PLCL2: variants seen among roughly 807,000 people sequenced by gnomAD.
PLCL2 encodes phospholipase C like 2, also known as inactive phospholipase C-like protein 2.
Under a neutral mutation model 79.6 loss-of-function variants are expected in PLCL2, and 4 were observed. That is an observed-to-expected ratio of 0.05 (90% confidence interval 0.02 to 0.11). The LOEUF (loss-of-function observed/expected upper bound fraction) is 0.11, where lower values mean the gene tolerates loss of function less well. Ranked by LOEUF, PLCL2 falls within the 10% of genes least tolerant of loss-of-function variation. PLCL2 has a pLI of 1.00. For missense variants in PLCL2, 895 were observed against 1,291.0 expected (o/e 0.69, Z 4.70); for synonymous variants, 484 against 457.7 (o/e 1.06, Z -0.73).
chr3:17,011,089 A>G lies in PLCL2; in HGVS notation c.1743A>G (p.Gly581=), dbSNP rs1260521190. Residue 581 remains glycine (G), a synonymous_variant, in exon 2 of 6, where the codon GGA becomes GGG. Coordinates refer to ENST00000615277, the MANE Select transcript of PLCL2 (RefSeq NM_001144382.2). The surrounding 1 kb of genome is among the most constrained non-coding windows in gnomAD (Gnocchi z 7.9). ...CCTCAAATTGCTCTGGGGTAGAAGGAGATGTTACTGACGAAGATGAAGGAG... is the reference window on the plus strand; with the variant it reads ...CCTCAAATTGCTCTGGGGTAGAAGGGGATGTTACTGACGAAGATGAAGGAG... ...KLSSNCSGVE[G]DVTDEDEGAE... 3.1e-6 allele frequency: 5 copies of G among 1,614,102 alleles called. No homozygotes were observed. Among genetic ancestry groups the G allele is most frequent in the Non-Finnish European group, 3.4e-6 (4 of 1,180,014 alleles).
chr3:16,945,102 A>T (rs2063588352), intron 1 of PLCL2, among the ~76,000 whole-genome samples: 2 of 152,060 alleles, frequency 1.3e-5, no homozygotes, highest in South Asian at 4.1e-4. Context: ...TGTGCTTCCC[A>T]GTTCCCTCTG....
At chr3:17,049,669 A>C (rs551753805) in intron 4 of PLCL2, among the ~76,000 whole-genome samples, 1 of 152,292 alleles carries the variant, frequency 6.6e-6, no homozygotes, top group South Asian at 2.1e-4. Context: ...TAATGAAAGA[A>C]ATTAAAGAGG....
chr3:17,051,137 C>T lies in PLCL2; in HGVS notation c.3094+8188C>T, dbSNP rs528886710. 7.3e-5 allele frequency among the ~76,000 whole-genome samples: 11 copies of T among 149,880 alleles called. No individual in the cohort carries two copies. In the South Asian group the frequency reaches 2.1e-3, roughly 29 times the overall value. ...GATAGAGAATGGAAAGATGGTTACCCGAGGCTGGGAAAGGCAATGGGAGGT... is the reference window on the plus strand; with the variant it reads ...GATAGAGAATGGAAAGATGGTTACCTGAGGCTGGGAAAGGCAATGGGAGGT... On this transcript the variant is annotated intron_variant, in intron 4 of 5. Coordinates refer to ENST00000615277, the MANE Select transcript of PLCL2 (RefSeq NM_001144382.2).
intron 1 of PLCL2, among the ~76,000 whole-genome samples, chr3:17,007,121 G>T (rs1015202215): frequency 6.6e-6 from 1 of 152,148 alleles, no homozygotes; most frequent in Non-Finnish European, 1.5e-5. Flanking sequence ...AACTGAGTCA[G>T]TATGTTGTCT....
chr3:16,981,073 C>G (rs4685417), intron 1 of PLCL2, among the ~76,000 whole-genome samples: 17 of 152,098 alleles, frequency 1.1e-4, no homozygotes, highest in African/African-American at 3.9e-4. Context: ...TGCAGTGAGC[C>G]GAGATGGCAG....
chr3:16,903,395 A>G (rs1487238339), intron 1 of PLCL2, among the ~76,000 whole-genome samples: 1 of 152,190 alleles, frequency 6.6e-6, no homozygotes, highest in African/African-American at 2.4e-5. Context: ...CTTTCATGTT[A>G]TGGAACTGAT....
In PLCL2 at chr3:17,011,200, G is replaced by C. The variant is rs116817554; in HGVS notation, c.1854G>C (p.Leu618=). The change falls in exon 2 of 6, where the codon CTG becomes CTC. Residue 618 remains leucine (L), a synonymous_variant. Coordinates refer to ENST00000615277, the MANE Select transcript of PLCL2 (RefSeq NM_001144382.2). The surrounding 1 kb of genome is among the most constrained non-coding windows in gnomAD (Gnocchi z 7.9). ...PVKRFQLCKE[L]SELVSICKSV... ...AGCGATTTCAGCTTTGTAAAGAACT[G>C]TCTGAACTGGTCAGCATCTGCAAAT... 1.3e-3 allele frequency: 2,028 copies of C among 1,614,200 alleles called. 31 individuals are homozygous for C. The African/African-American group carries it at 0.024, about 19-fold the overall frequency.
intron 1 of PLCL2, among the ~76,000 whole-genome samples, chr3:16,980,621 A>G (rs1273598351): frequency 5.4e-5 from 8 of 147,322 alleles, no homozygotes; most frequent in African/African-American, 7.6e-5. Context: ...ATGGGATGGC[A>G]GCCGGGCAGA....
intron 4 of PLCL2, among the ~76,000 whole-genome samples, chr3:17,054,605 AT>A (rs1344941024): frequency 1.3e-5 from 2 of 152,008 alleles, no homozygotes; most frequent in Middle Eastern, 3.2e-3. Flanking sequence ...GGTGCCATAC[AT>A]TTTTAAACAA....
At chr3:16,962,949 TAAA>T (rs1423095279) in intron 1 of PLCL2, among the ~76,000 whole-genome samples, 1 of 151,988 alleles carries the variant, frequency 6.6e-6, no homozygotes, top group Non-Finnish European at 1.5e-5. Flanking sequence ...TTTTCAAACT[TAAA>T]AAAGGTAATG....
chr3:17,037,940 C>G (rs2124916077), intron 3 of PLCL2, among the ~76,000 whole-genome samples: 1 of 151,952 alleles, frequency 6.6e-6, no homozygotes, highest in Non-Finnish European at 1.5e-5. Context: ...TAATAATAAC[C>G]CTTCTCATAG....
chr3:17,024,499 C>T, intron 3 of PLCL2, among the ~76,000 whole-genome samples: 1 of 152,090 alleles, frequency 6.6e-6, no homozygotes, highest in East Asian at 1.9e-4. Flanking sequence ...TGTGCAGTAT[C>T]TTAAATTGTG....
At chr3:16,902,620 G>T (rs185702077) in intron 1 of PLCL2, among the ~76,000 whole-genome samples, 99 of 152,078 alleles carry the variant, frequency 6.5e-4, no homozygotes, top group Non-Finnish European at 1.3e-3. Flanking sequence ...GAAGGTCAGG[G>T]GTTTGAGACC....
chr3:16,900,912 C>T (rs1237997702), intron 1 of PLCL2, among the ~76,000 whole-genome samples: 2 of 152,162 alleles, frequency 1.3e-5, no homozygotes, highest in Non-Finnish European at 2.9e-5. Context: ...TCTCTCACTT[C>T]AAAAATGGAA....
chr3:17,030,834 A>G (rs2064573056), intron 3 of PLCL2, among the ~76,000 whole-genome samples: 1 of 152,220 alleles, frequency 6.6e-6, no homozygotes, highest in African/African-American at 2.4e-5. Context: ...AACTAATGAT[A>G]CTTTACAGTA....
Position 16,887,455 on chromosome 3 carries a change from G to A in PLCL2, c.327+2089G>A, listed in dbSNP as rs958783369. 2.0e-5 allele frequency among the ~76,000 whole-genome samples: 3 copies of A among 152,232 alleles called. No individual in the cohort carries two copies. Among genetic ancestry groups the A allele is most frequent in the South Asian group, 4.1e-4 (2 of 4,830 alleles). ...TTCATTGTATTGTACCTCCAAAGAA[G>A]GCTTGACATACTCCTTTTTCTTGCC... On this transcript the variant is annotated intron_variant, in intron 1 of 5. Coordinates refer to ENST00000615277, the MANE Select transcript of PLCL2 (RefSeq NM_001144382.2). The surrounding 1 kb of genome is among the most constrained non-coding windows in gnomAD (Gnocchi z 4.1).
chr3:17,035,415 A>T (rs941627254), intron 3 of PLCL2, among the ~76,000 whole-genome samples: 1 of 98,060 alleles, frequency 1.0e-5, no homozygotes, highest in African/African-American at 4.5e-5. Flanking sequence ...TCTTATCCTG[A>T]CCAGTTTTCT....
intron 1 of PLCL2, among the ~76,000 whole-genome samples, chr3:16,936,983 C>T (rs996485772): frequency 4.6e-5 from 7 of 152,000 alleles, no homozygotes; most frequent in South Asian, 2.1e-4. Flanking sequence ...CGGGGGCTCT[C>T]GTTTGTGTTA....
intron 1 of PLCL2, among the ~76,000 whole-genome samples, chr3:16,977,273 T>C (rs2063936205): frequency 6.6e-6 from 1 of 152,204 alleles, no homozygotes; most frequent in South Asian, 2.1e-4. Context: ...AACATAGTCC[T>C]GTAAGTACTT....
Sources: gnomAD v4.1 joint callset for allele counts (sites outside exome capture counted in the v4.1 genomes callset) on GRCh38, gnomAD v4.1.1 for gene constraint, Gnocchi (gnomAD v3.1) non-coding constraint, MANE v1.5 for transcripts, NCBI Gene and HGNC (gene_info 2026-07-23, HGNC 2026-07-21) for gene names.